The following EYS variants were observed in gnomAD, a reference collection of about 807,000 sequenced individuals.
The protein encoded by EYS is EGF-like photoreceptor maintenance factor, also known as protein eyes shut homolog.
In EYS, 250 loss-of-function variants were observed where a neutral mutation model predicts 282.1. That is an observed-to-expected ratio of 0.89 (90% CI 0.80 to 0.98). The LOEUF is 0.98. Ranked by LOEUF, EYS falls within the 50% of genes least tolerant of loss-of-function variation. The pLI is 0.00. For synonymous variants in EYS, 1,355 were observed against 1,282.9 expected, an observed-to-expected ratio of 1.06 and a Z score of -1.20; for missense variants, 4,016 against 3,709.0, an observed-to-expected ratio of 1.08 and a Z score of -2.15.
At chr6:65,567,082 G>A (rs898207300) in intron 2 of EYS, among the ~76,000 whole-genome samples, 14 of 151,794 alleles carry the variant, frequency 9.2e-5, no homozygotes, top group African/African-American at 3.1e-4. Context: ...TGTTATTGTG[G>A]GAATGGATTG....
At chr6:65,096,054 A>T (rs1188144151) in intron 12 of EYS, among the ~76,000 whole-genome samples, 1 of 150,980 alleles carries the variant, frequency 6.6e-6, no homozygotes, top group Non-Finnish European at 1.5e-5. Context: ...AACCCTAATG[A>T]TCCCCCAAAA....
chr6:63,793,935 C>T (rs973125512), intron 37 of EYS, among the ~76,000 whole-genome samples: 7 of 152,148 alleles, frequency 4.6e-5, no homozygotes, highest in African/African-American at 1.7e-4. Flanking sequence ...CTGATGCACA[C>T]ATGGATGTCT....
At position 65,038,548 on chromosome 6, in the gene EYS, A is replaced by T. The variant is rs1261382323; in HGVS notation, c.2137+19066T>A. 3.3e-5 allele frequency among the ~76,000 whole-genome samples: 5 copies of T among 151,482 alleles called. No individual in the cohort carries two copies. In the East Asian group the frequency reaches 9.7e-4, roughly 29 times the overall value. On this transcript the variant is annotated intron_variant, in intron 13 of 42. Coordinates refer to ENST00000503581, the MANE Select transcript of EYS (RefSeq NM_001142800.2). ...ATAAAACTGCTATAAACATGCTTGT[A>T]AATGACTTTTTATAGAACAATATTT...
At chr6:65,621,455 G>T (rs1209075612) in intron 2 of EYS, among the ~76,000 whole-genome samples, 1 of 150,400 alleles carries the variant, frequency 6.6e-6, no homozygotes, top group South Asian at 2.2e-4. Context: ...GTCTCTGCAC[G>T]TGAGATGGGT....
At chr6:64,757,863 C>T (rs1235632262) in intron 22 of EYS, among the ~76,000 whole-genome samples, 1 of 151,842 alleles carries the variant, frequency 6.6e-6, no homozygotes, top group East Asian at 2.0e-4. Flanking sequence ...CGGCTCACTG[C>T]AAGCTTCGCC....
chr6:65,551,061 G>A lies in EYS; in HGVS notation c.-332-55068C>T, dbSNP rs1405978477. ...TGGTGTGAGATGACAAATCATGGGT[G>A]AACTCCCATTCACAATTGCTTCAAA... On this transcript the variant is annotated intron_variant, in intron 2 of 42. Transcript: ENST00000503581. Among the ~76,000 whole-genome samples the A allele has an allele frequency of 3.5e-5, 2 of 57,176 alleles. 1 individual carries two copies. Among genetic ancestry groups the A allele is most frequent in the African/African-American group, 3.3e-4 (2 of 6,112 alleles). 37.5% of individuals were successfully genotyped at this position (57,176 alleles called of 152,430 possible).
chr6:64,199,742 C>A (rs1055000215), intron 31 of EYS, among the ~76,000 whole-genome samples: 5 of 151,076 alleles, frequency 3.3e-5, no homozygotes, highest in Admixed American at 6.6e-5. Flanking sequence ...AAAAAAAAAT[C>A]AAAAAATGAG....
chr6:65,378,206 A>T (rs879115817), intron 8 of EYS, among the ~76,000 whole-genome samples: 1 of 152,180 alleles, frequency 6.6e-6, no homozygotes, highest in Non-Finnish European at 1.5e-5. Context: ...AATCAACCTC[A>T]TCAAAAAGTG....
At chr6:64,452,704 G>A (rs75491920) in intron 26 of EYS, among the ~76,000 whole-genome samples, 42,157 of 151,808 alleles carry the variant, frequency 0.28, 5,977 homozygotes, top group East Asian at 0.47. Flanking sequence ...AAATAATGCC[G>A]CATATCTACA....
intron 12 of EYS, among the ~76,000 whole-genome samples, chr6:65,125,843 C>A (rs568792189): frequency 2.6e-4 from 40 of 152,236 alleles, no homozygotes; most frequent in African/African-American, 9.6e-4. Context: ...GGCCTGCCTT[C>A]CTCTCTTCAG....
At chr6:63,991,075 GA>G (rs1562136728) in intron 34 of EYS, among the ~76,000 whole-genome samples, 1 of 151,672 alleles carries the variant, frequency 6.6e-6, no homozygotes, top group Admixed American at 6.6e-5. Context: ...CAGATCCAGA[GA>G]ACCTGTAGTA....
chr6:65,659,946 T>TG (rs796780624), intron 1 of EYS, among the ~76,000 whole-genome samples: 37 of 151,828 alleles, frequency 2.4e-4, no homozygotes, highest in Middle Eastern at 3.4e-3. Flanking sequence ...CCCCTAAGTA[T>TG]GGAGGGTGTT....
intron 24 of EYS, among the ~76,000 whole-genome samples, chr6:64,605,977 C>T (rs949851427): frequency 5.9e-5 from 9 of 152,054 alleles, no homozygotes; most frequent in East Asian, 3.9e-4. Context: ...AAACATCTTA[C>T]GTTCCTCCAT....
At chr6:64,805,285 G>A (rs564036842) in intron 22 of EYS, among the ~76,000 whole-genome samples, 2 of 152,014 alleles carry the variant, frequency 1.3e-5, no homozygotes, top group African/African-American at 2.4e-5. Flanking sequence ...AATTGAACTT[G>A]ATGCTGTTGA....
chr6:65,201,185 G>T lies in EYS; in HGVS notation c.2023+94678C>A, dbSNP rs9294637. Among the ~76,000 whole-genome samples, 620 of 152,216 alleles carry T rather than the reference G, an allele frequency of 4.1e-3. 5 individuals carry two copies. Among genetic ancestry groups the T allele is most frequent in the African/African-American group, 0.015 (607 of 41,560 alleles). ...TCTTGCTATGAAAGGTGCACATAAA[G>T]ATTAGAGGCTTTCTGTGGTGGAGGG... On this transcript the variant is annotated intron_variant, in intron 12 of 42. Coordinates refer to ENST00000503581, the MANE Select transcript of EYS (RefSeq NM_001142800.2).
At chr6:64,060,797 A>T (rs1243832696) in intron 33 of EYS, among the ~76,000 whole-genome samples, 2 of 152,180 alleles carry the variant, frequency 1.3e-5, no homozygotes, top group Non-Finnish European at 2.9e-5. Flanking sequence ...AATGTGATAA[A>T]TATGTCTACA....
At chr6:65,133,989 G>A (rs1775953854) in intron 12 of EYS, among the ~76,000 whole-genome samples, 1 of 152,008 alleles carries the variant, frequency 6.6e-6, no homozygotes, top group South Asian at 2.1e-4. Flanking sequence ...CATACATGCA[G>A]CCAACAGGCA....
intron 12 of EYS, among the ~76,000 whole-genome samples, chr6:65,240,379 C>T (rs1473172088): frequency 1.3e-5 from 2 of 152,062 alleles, no homozygotes; most frequent in Non-Finnish European, 2.9e-5. Flanking sequence ...TCCTGTCACC[C>T]AGGTACTGAA....
At chr6:64,241,468 GGGTGTATGTGTCCA>G (rs551546372) in intron 30 of EYS, among the ~76,000 whole-genome samples, 116 of 152,224 alleles carry the variant, frequency 7.6e-4, no homozygotes, top group Non-Finnish European at 1.5e-3. Context: ...AGTCTTGGGA[GGGTGTATGTGTCCA>G]GGAATTTATC....
Sources: gnomAD v4.1 joint callset for allele counts (sites outside exome capture counted in the v4.1 genomes callset) on GRCh38, gnomAD v4.1.1 for gene constraint, MANE v1.5 for transcripts, NCBI Gene and HGNC (gene_info 2026-07-23, HGNC 2026-07-21) for gene names.